Variants in CMSS1 observed in about 807,000 individuals in gnomAD.
The protein encoded by CMSS1 is cms1 ribosomal small subunit homolog.
A neutral mutation model predicts 43.5 loss-of-function variants in CMSS1; 33 were observed. That is an observed-to-expected ratio of 0.76 (90% CI 0.57 to 1.01). The LOEUF (loss-of-function observed/expected upper bound fraction) is 1.01. Among genes scored for constraint, CMSS1 ranks in the 50% least tolerant of loss-of-function variants. The pLI is 0.00. For missense variants in CMSS1, 313 were observed against 326.4 expected (o/e 0.96, Z 0.32); for synonymous variants, 115 against 117.2 (o/e 0.98, Z 0.12).
At chr3:100,103,843 G>C (rs140637523) in intron 1 of CMSS1, among the ~76,000 whole-genome samples, 1,626 of 152,272 alleles carry the variant, frequency 0.011, 34 homozygotes, top group African/African-American at 0.036. Flanking sequence ...AAGAGTCTAT[G>C]CCCTGTGTGT....
At chr3:99,863,408 A>C (rs556598235) in intron 1 of CMSS1, among the ~76,000 whole-genome samples, 1 of 152,242 alleles carries the variant, frequency 6.6e-6, no homozygotes, top group Non-Finnish European at 1.5e-5. Context: ...GTGGGGACTC[A>C]AAGTCTGGGT....
intron 1 of CMSS1, among the ~76,000 whole-genome samples, chr3:99,864,286 G>A (rs748871341): frequency 5.3e-5 from 8 of 152,058 alleles, no homozygotes; most frequent in Admixed American, 1.3e-4. Context: ...GGTGGCCCTG[G>A]AACTGGTACT....
At chr3:99,879,264 G>A (rs1444789387) in intron 1 of CMSS1, among the ~76,000 whole-genome samples, 1 of 152,090 alleles carries the variant, frequency 6.6e-6, no homozygotes, top group Non-Finnish European at 1.5e-5. Context: ...CAAGAAACAA[G>A]GAGATACCAA....
chr3:99,843,732 T>C (rs115670166), intron 1 of CMSS1, among the ~76,000 whole-genome samples: 1,760 of 152,248 alleles, frequency 0.012, 19 homozygotes, highest in African/African-American at 0.026. Flanking sequence ...AGCAGGGGCC[T>C]CTAAACCCTG....
intron 1 of CMSS1, among the ~76,000 whole-genome samples, chr3:99,853,408 T>C (rs1254480712): frequency 6.6e-6 from 1 of 152,260 alleles, no homozygotes; most frequent in Admixed American, 6.5e-5. Context: ...TGCTATGTCA[T>C]TTTTATGAGA....
intron 1 of CMSS1, among the ~76,000 whole-genome samples, chr3:99,829,554 AGAT>A (rs996877372): frequency 2.0e-5 from 3 of 152,238 alleles, no homozygotes. Context: ...CTCAAGGCTT[AGAT>A]TGATGAATGC....
At chr3:100,131,381 C>T (rs2066706783) in intron 1 of CMSS1, among the ~76,000 whole-genome samples, 1 of 152,206 alleles carries the variant, frequency 6.6e-6, no homozygotes, top group African/African-American at 2.4e-5. Context: ...GCAATACACT[C>T]ATCTGAGTGT....
chr3:100,161,887 A>G (rs760044945), intron 3 of CMSS1, among the ~76,000 whole-genome samples: 4 of 152,148 alleles, frequency 2.6e-5, no homozygotes, highest in Non-Finnish European at 5.9e-5. Flanking sequence ...CAGAAATCCA[A>G]ACTAAGACTC....
intron 1 of CMSS1, among the ~76,000 whole-genome samples, chr3:99,907,334 A>G (rs1576563791): frequency 6.6e-6 from 1 of 151,452 alleles, no homozygotes; most frequent in Non-Finnish European, 1.5e-5. Flanking sequence ...TGCAAGCTCC[A>G]CCTCCCGGGT....
chr3:100,126,667 C>G (rs1242086157), intron 1 of CMSS1, among the ~76,000 whole-genome samples: 1 of 151,990 alleles, frequency 6.6e-6, no homozygotes, highest in African/African-American at 2.4e-5. Context: ...ATAAGATGAT[C>G]TATAGTTAAC....
chr3:100,145,971 A>G (rs1411190946), intron 1 of CMSS1, among the ~76,000 whole-genome samples: 4 of 152,260 alleles, frequency 2.6e-5, no homozygotes, highest in African/African-American at 9.6e-5. Flanking sequence ...GTATGCAAAC[A>G]TTTAAAAGCA....
At chr3:99,869,407 G>A (rs1349003721) in intron 1 of CMSS1, among the ~76,000 whole-genome samples, 2 of 152,142 alleles carry the variant, frequency 1.3e-5, no homozygotes, top group Non-Finnish European at 2.9e-5. Context: ...AATAATATGC[G>A]ACTTCAAACA....
At chr3:99,870,027 T>C (rs1353689776) in intron 1 of CMSS1, among the ~76,000 whole-genome samples, 1 of 152,254 alleles carries the variant, frequency 6.6e-6, no homozygotes, top group Non-Finnish European at 1.5e-5. Context: ...CCTCATTTTC[T>C]TTAGCTAATT....
chr3:100,114,886 A>AG, intron 1 of CMSS1: 2 of 1,250,530 alleles, frequency 1.6e-6, no homozygotes, highest in Admixed American at 4.1e-5. Flanking sequence ...ATTCGCTATT[A>AG]TTAACGCTGT....
chr3:100,037,620 A>G (rs1437756194), intron 1 of CMSS1, among the ~76,000 whole-genome samples: 1 of 152,228 alleles, frequency 6.6e-6, no homozygotes, highest in East Asian at 1.9e-4. Flanking sequence ...AAATCATAAA[A>G]TGTATAAATA....
At chr3:100,167,945 AG>A (rs2067078686) in intron 6 of CMSS1, 105 bp downstream of exon 6, 1 of 690,064 alleles carries the variant, frequency 1.4e-6, no homozygotes, top group African/African-American at 1.8e-5. Context: ...AACAAAACAG[AG>A]TCCCTGCCCT....
At chr3:100,137,631 C>T (rs1423816831) in intron 1 of CMSS1, among the ~76,000 whole-genome samples, 3 of 150,596 alleles carry the variant, frequency 2.0e-5, no homozygotes, top group Non-Finnish European at 4.4e-5. Flanking sequence ...GGCGTGATCT[C>T]GGCTCACTGC....
chr3:100,170,664 T>A (rs747080997), intron 6 of CMSS1, among the ~76,000 whole-genome samples: 1 of 152,268 alleles, frequency 6.6e-6, no homozygotes, highest in Non-Finnish European at 1.5e-5. Flanking sequence ...TAATGTTATG[T>A]GGCTGTTTAT....
chr3:99,960,566 A>G (rs1399541365), intron 1 of CMSS1, among the ~76,000 whole-genome samples: 3 of 152,150 alleles, frequency 2.0e-5, no homozygotes, highest in African/African-American at 7.2e-5. Context: ...TCTTGCCCAA[A>G]TCATTCTTTA....
Sources: gnomAD v4.1 joint callset for allele counts (sites outside exome capture counted in the v4.1 genomes callset) on GRCh38, gnomAD v4.1.1 for gene constraint, MANE v1.5 for transcripts, NCBI Gene and HGNC (gene_info 2026-07-23, HGNC 2026-07-21) for gene names.